Variants in NXPH1 observed in about 807,000 individuals in gnomAD.
NXPH1 encodes the protein neurexophilin-1.
NXPH1 carries 5 observed loss-of-function variants against 23.7 expected under a neutral mutation model. The ratio of observed to expected loss-of-function variants is 0.21; its 90% CI spans 0.11 to 0.44. The LOEUF (loss-of-function observed/expected upper bound fraction) is 0.44, where lower values mean the gene tolerates loss of function less well. NXPH1 is among the 20% of genes least tolerant of loss of function. NXPH1 has a pLI of 0.99. For missense variants in NXPH1, 324 were observed against 321.6 expected (o/e 1.01, Z -0.06); for synonymous variants, 144 against 122.2 (o/e 1.18, Z -1.18).
rs893652089 is a variant in NXPH1, at chr7:8,706,564, T to C, written c.55-44444T>C. Among the ~76,000 whole-genome samples the C allele has an allele frequency of 3.3e-5, 5 of 152,292 alleles. No individual in the cohort carries two copies. The East Asian group carries it at 9.6e-4, about 29-fold the overall frequency. On this transcript the variant is annotated intron_variant, in intron 2 of 2. Transcript: ENST00000405863. ...ACAAAGGCACTGCCAGAGAACAGGC[T>C]CAGAACAACCATGTGGAATAGAAGA...
At chr7:8,495,102 T>C (rs1227919839) in intron 2 of NXPH1, among the ~76,000 whole-genome samples, 1 of 152,016 alleles carries the variant, frequency 6.6e-6, no homozygotes, top group African/African-American at 2.4e-5. Context: ...AATAGGTAGA[T>C]AAGTAGATAG....
At chr7:8,507,524 A>G (rs1396090536) in intron 2 of NXPH1, among the ~76,000 whole-genome samples, 1 of 152,114 alleles carries the variant, frequency 6.6e-6, no homozygotes, top group Admixed American at 6.5e-5. Flanking sequence ...TACCGCATAT[A>G]CATCAAAATC....
chr7:8,573,220 A>G (rs1818684397), intron 2 of NXPH1, among the ~76,000 whole-genome samples: 1 of 152,026 alleles, frequency 6.6e-6, no homozygotes, highest in African/African-American at 2.4e-5. Context: ...TAAACCAATC[A>G]TACATTATAT....
chr7:8,615,630 C>A lies in NXPH1; in HGVS notation c.55-135378C>A, dbSNP rs75786600. On this transcript the variant is annotated intron_variant, in intron 2 of 2. Transcript: ENST00000405863. ...TAACTATTATGTCAATATTTTCCTG[C>A]CTGTCTCCCTTCCCTCTTTCCTTCT... is the stretch of plus-strand genomic sequence containing the variant. 3.6e-4 allele frequency among the ~76,000 whole-genome samples: 54 copies of A among 152,106 alleles called. 2 individuals carry two copies. In the East Asian group the frequency reaches 9.3e-3, roughly 26 times the overall value.
At chr7:8,558,470 C>T (rs909151572) in intron 2 of NXPH1, among the ~76,000 whole-genome samples, 20 of 151,660 alleles carry the variant, frequency 1.3e-4, no homozygotes, top group Middle Eastern at 3.4e-3. Flanking sequence ...TTTTTAATGT[C>T]TAGGAGACAT....
chr7:8,563,193 C>G (rs914242183), intron 2 of NXPH1, among the ~76,000 whole-genome samples: 1 of 151,726 alleles, frequency 6.6e-6, no homozygotes, highest in Non-Finnish European at 1.5e-5. Context: ...AGTTCCTGTT[C>G]TAAACTTTGG....
At chr7:8,686,276 T>C (rs947947333) in intron 2 of NXPH1, among the ~76,000 whole-genome samples, 1 of 152,136 alleles carries the variant, frequency 6.6e-6, no homozygotes, top group African/African-American at 2.4e-5. Context: ...TGTTTGGATG[T>C]TTCTTTCCTT....
chr7:8,738,074 A>T (rs1780293078), intron 2 of NXPH1, among the ~76,000 whole-genome samples: 1 of 152,184 alleles, frequency 6.6e-6, no homozygotes, highest in African/African-American at 2.4e-5. Flanking sequence ...GCATTGGGTT[A>T]GAACATGCTC....
At chr7:8,459,743 G>C (rs1480475253) in intron 2 of NXPH1, among the ~76,000 whole-genome samples, 1 of 152,194 alleles carries the variant, frequency 6.6e-6, no homozygotes, top group Non-Finnish European at 1.5e-5. Flanking sequence ...GGGGAAAAGA[G>C]TAAGGATGTG....
chr7:8,508,448 C>A (rs1040391455), intron 2 of NXPH1, among the ~76,000 whole-genome samples: 5 of 152,062 alleles, frequency 3.3e-5, no homozygotes, highest in Non-Finnish European at 7.4e-5. Context: ...CTGTAAAATT[C>A]TTTGAACAGT....
chr7:8,520,956 C>G (rs1817761875), intron 2 of NXPH1, among the ~76,000 whole-genome samples: 1 of 152,158 alleles, frequency 6.6e-6, no homozygotes, highest in South Asian at 2.1e-4. Flanking sequence ...ATTCTGACAT[C>G]CCTGCCAAAT....
Position 8,710,909 on chromosome 7 carries a change from G to A in NXPH1, c.55-40099G>A, listed in dbSNP as rs550815751. On this transcript the variant is annotated intron_variant, in intron 2 of 2. Transcript: ENST00000405863. ...GATCTCCTGACCTCATGATCCACCC[G>A]CCTCGGCCTCCCAAAGTGCTGGGAC... 8.1e-3 allele frequency among the ~76,000 whole-genome samples: 935 copies of A among 115,146 alleles called. 173 individuals are homozygous for A. Among genetic ancestry groups the A allele is most frequent in the African/African-American group, 0.044 (884 of 20,284 alleles). The allele number at this position is 115,146 out of a possible 152,430, so 75.5% of individuals were successfully genotyped here. A position where few individuals can be genotyped will look rare whatever the true frequency, so the allele number is the denominator to read the frequency against.
chr7:8,533,205 G>A (rs1173213154), intron 2 of NXPH1, among the ~76,000 whole-genome samples: 1 of 152,084 alleles, frequency 6.6e-6, no homozygotes, highest in African/African-American at 2.4e-5. Context: ...CTATCATTAT[G>A]TATTTTCAGC....
chr7:8,690,043 C>A (rs1821201290), intron 2 of NXPH1, among the ~76,000 whole-genome samples: 1 of 152,084 alleles, frequency 6.6e-6, no homozygotes, highest in East Asian at 1.9e-4. Flanking sequence ...TTCTCAGATT[C>A]TTTCTTTTCT....
At chr7:8,474,062 C>A (rs986591093) in intron 2 of NXPH1, among the ~76,000 whole-genome samples, 62 of 152,130 alleles carry the variant, frequency 4.1e-4, no homozygotes, top group African/African-American at 1.4e-3. Context: ...AAGCCAGTTT[C>A]TAATGGTGGA....
At chr7:8,674,766 A>G (rs1820922963) in intron 2 of NXPH1, among the ~76,000 whole-genome samples, 1 of 152,200 alleles carries the variant, frequency 6.6e-6, no homozygotes. Context: ...AGCCAGCAGC[A>G]TGCACCAAAG....
chr7:8,522,415 A>T (rs182992110), intron 2 of NXPH1, among the ~76,000 whole-genome samples: 8 of 152,358 alleles, frequency 5.3e-5, no homozygotes, highest in African/African-American at 1.7e-4. Flanking sequence ...ATTATGTCCA[A>T]CATTGCTAAA....
intron 2 of NXPH1, among the ~76,000 whole-genome samples, chr7:8,534,940 T>A (rs1818004630): frequency 6.6e-6 from 1 of 152,072 alleles, no homozygotes. Flanking sequence ...TGTATCTGAA[T>A]GAAACATGAA....
intron 2 of NXPH1, among the ~76,000 whole-genome samples, chr7:8,486,715 T>A (rs1166897760): frequency 1.3e-5 from 2 of 152,210 alleles, no homozygotes; most frequent in African/African-American, 4.8e-5. Context: ...GGCTTTCCCA[T>A]CTTTCTTTCC....
Sources: allele counts gnomAD v4.1 joint callset (sites outside exome capture counted in the v4.1 genomes callset), GRCh38; gene constraint gnomAD v4.1.1; transcripts MANE v1.5; gene names NCBI Gene and HGNC (gene_info 2026-07-23, HGNC 2026-07-21).